Variants in RYR2 observed in about 807,000 individuals in gnomAD.
RYR2 encodes cardiac muscle ryanodine receptor-calcium release channel.
RYR2 carries 227 observed loss-of-function variants against 601.1 expected under a neutral mutation model. The observed-to-expected ratio is 0.38, with a 90% CI of 0.34 to 0.42. The LOEUF (loss-of-function observed/expected upper bound fraction) is 0.42, where lower values mean the gene tolerates loss of function less well. Ranked by LOEUF, RYR2 falls within the 10% of genes least tolerant of loss-of-function variation. The probability of loss-of-function intolerance (pLI) is 1.00; values close to 1 mark genes in which losing one functional copy is unlikely to be tolerated. For missense variants in RYR2, 4,646 were observed against 6,156.5 expected, an observed-to-expected ratio of 0.75 and a Z score of 8.21; for synonymous variants, 2,223 against 2,175.1, an observed-to-expected ratio of 1.02 and a Z score of -0.61.
At chr1:237,792,364 T>TGCGC (rs1553327283) in intron 94 of RYR2, 41 bp downstream of exon 94, 2 of 876,326 alleles carry the variant, frequency 2.3e-6, no homozygotes, top group Non-Finnish European at 3.4e-6. Flanking sequence ...TGTGTGTGTG[T>TGCGC]GTGTGTGTGT....
intron 70 of RYR2, among the ~76,000 whole-genome samples, chr1:237,710,745 T>TAA (rs1223451625): frequency 7.9e-6 from 1 of 127,284 alleles, no homozygotes; most frequent in Non-Finnish European, 1.7e-5. Flanking sequence ...GGTGGGAGCA[T>TAA]TGCTTGAGCT....
intron 1 of RYR2, among the ~76,000 whole-genome samples, chr1:237,072,350 C>T (rs1268647694): frequency 6.6e-6 from 1 of 152,216 alleles, no homozygotes. Flanking sequence ...TTAGCAAACT[C>T]CACTTTCCAC....
chr1:237,747,793 T>A (rs1573785216), intron 80 of RYR2, among the ~76,000 whole-genome samples: 1 of 152,172 alleles, frequency 6.6e-6, no homozygotes, highest in Non-Finnish European at 1.5e-5. Context: ...AAGATATAGC[T>A]ACGGATATAA....
chr1:237,282,161 ATGAAG>A (rs942688821), intron 2 of RYR2, among the ~76,000 whole-genome samples: 2 of 151,004 alleles, frequency 1.3e-5, no homozygotes, highest in African/African-American at 4.9e-5. Context: ...ACTGCAGCAA[ATGAAG>A]CTCTAACACA....
intron 63 of RYR2, among the ~76,000 whole-genome samples, chr1:237,692,640 G>A (rs545807507): frequency 4.9e-4 from 74 of 152,098 alleles, no homozygotes; most frequent in Middle Eastern, 3.4e-3. Context: ...TTCTGCCCAG[G>A]GTTTTTGCAC....
intron 94 of RYR2, among the ~76,000 whole-genome samples, chr1:237,793,569 A>G (rs999795964): frequency 1.1e-4 from 16 of 152,232 alleles, no homozygotes; most frequent in African/African-American, 2.9e-4. Flanking sequence ...ATGATTTTGC[A>G]TAATCATCTT....
chr1:237,782,526 C>G, intron 89 of RYR2, among the ~76,000 whole-genome samples: 1 of 152,172 alleles, frequency 6.6e-6, no homozygotes, highest in East Asian at 1.9e-4. Flanking sequence ...ACGCCTCGTG[C>G]TAGGACTTTG....
chr1:237,514,030 A>C (rs1666172189), intron 24 of RYR2, among the ~76,000 whole-genome samples: 1 of 152,234 alleles, frequency 6.6e-6, no homozygotes, highest in Non-Finnish European at 1.5e-5. Flanking sequence ...GTTTGCTTGT[A>C]ATAAAGAATG....
At position 237,833,245 on chromosome 1, in the gene RYR2, T is replaced by G; in HGVS notation, c.*598T>G. 2 of 141,930 alleles carry G rather than the reference T, an allele frequency of 1.4e-5. No individual in the cohort carries two copies. The highest frequency in any genetic ancestry group is 2.6e-5 in the African/African-American group (1 of 37,938). 8.8% of individuals were successfully genotyped at this position (141,930 alleles called of 1,614,324 possible). A position where few individuals can be genotyped will look rare whatever the true frequency, so the allele number is the denominator to read the frequency against. ...TTTTTTCCTTTAGTCTTTTCTTTAGTGGGGGAGGGTAAGAAAAGCAGTTTG... is the reference window on the plus strand; with the variant it reads ...TTTTTTCCTTTAGTCTTTTCTTTAGGGGGGGAGGGTAAGAAAAGCAGTTTG... On this transcript the variant is annotated 3_prime_UTR_variant, in exon 105 of 105. Coordinates refer to ENST00000366574, the MANE Select transcript of RYR2 (RefSeq NM_001035.3).
chr1:237,295,260 C>T (rs567022633), intron 2 of RYR2, among the ~76,000 whole-genome samples: 6 of 140,252 alleles, frequency 4.3e-5, no homozygotes, highest in South Asian at 2.4e-4. Flanking sequence ...AAGAAGAAAC[C>T]GTACTTCAGT....
At chr1:237,136,852 C>G (rs1174425421) in intron 1 of RYR2, among the ~76,000 whole-genome samples, 1 of 151,814 alleles carries the variant, frequency 6.6e-6, no homozygotes. Context: ...CCCATCTCTA[C>G]TAAAAATACA....
At chr1:237,511,646 G>C in intron 23 of RYR2, 42 bp from the exon 24 acceptor site, 1 of 1,425,656 alleles carries the variant, frequency 7.0e-7, no homozygotes, top group South Asian at 1.2e-5. Context: ...CTAGTGCCTG[G>C]CATTGGAGAC....
At chr1:237,090,865 G>A (rs1572599019) in intron 1 of RYR2, among the ~76,000 whole-genome samples, 1 of 152,224 alleles carries the variant, frequency 6.6e-6, no homozygotes, top group Non-Finnish European at 1.5e-5. Context: ...AGGTTGGCAT[G>A]AAAGTTAAAG....
In RYR2 at chr1:237,591,852, C is replaced by T. The variant is rs761181641; in HGVS notation, c.4274C>T (p.Thr1425Met). 4.1e-5 allele frequency: 66 copies of T among 1,610,002 alleles called. No homozygotes were observed. The highest frequency in any genetic ancestry group is 1.8e-4 in the Admixed American group (11 of 59,640). The change falls in exon 32 of 105, where the codon ACG becomes ATG. Residue 1425 changes from threonine to methionine, a missense_variant and splice_region_variant. By Grantham distance (81) the Thr-to-Met change is moderately conservative (BLOSUM62 -1). This residue lies in a region of RYR2 where 1,807 missense variants were observed against 2,088.1 expected (regional missense o/e 0.87). Transcript: ENST00000366574. ...DDYDFLMQTS[T>M]YYYSVRIFPG... ...TATGATTTCTTGATGCAAACGTCCA[C>T]GGTATGAGGTTGCAGCTTTTGTCGT... is the stretch of plus-strand genomic sequence containing the variant.
chr1:237,649,146 A>C (rs1231062581), intron 49 of RYR2, among the ~76,000 whole-genome samples: 1 of 152,210 alleles, frequency 6.6e-6, no homozygotes, highest in Non-Finnish European at 1.5e-5. Context: ...TTTCTTTGAA[A>C]CACTGTGGAA....
chr1:237,476,545 C>T (rs1367888985), intron 17 of RYR2, among the ~76,000 whole-genome samples: 4 of 129,722 alleles, frequency 3.1e-5, no homozygotes, highest in East Asian at 4.6e-4. Context: ...AAAAAAAGAA[C>T]GAGTCTTTGA....
chr1:237,789,770 C>T (rs1275000034), intron 92 of RYR2, among the ~76,000 whole-genome samples: 1 of 152,240 alleles, frequency 6.6e-6, no homozygotes, highest in African/African-American at 2.4e-5. Flanking sequence ...TCTTTGCTAT[C>T]TTTCTCGGCT....
intron 58 of RYR2, among the ~76,000 whole-genome samples, chr1:237,670,956 T>G (rs1444388743): frequency 1.3e-5 from 2 of 152,140 alleles, no homozygotes; most frequent in Admixed American, 1.3e-4. Flanking sequence ...TGATAGAAAA[T>G]CATCATTATT....
At chr1:237,552,773 C>T (rs1670530646) in intron 27 of RYR2, among the ~76,000 whole-genome samples, 1 of 151,842 alleles carries the variant, frequency 6.6e-6, no homozygotes, top group Non-Finnish European at 1.5e-5. Flanking sequence ...TTTGTTTATC[C>T]ATTCTCCTAT....
Sources: allele counts gnomAD v4.1 joint callset (sites outside exome capture counted in the v4.1 genomes callset), GRCh38; gene constraint gnomAD v4.1.1; regional missense constraint gnomAD v4.1.1; transcripts MANE v1.5; gene names NCBI Gene and HGNC (gene_info 2026-07-23, HGNC 2026-07-21).